SHROOM3: variants seen among roughly 807,000 people sequenced by gnomAD.
The protein encoded by SHROOM3 is protein Shroom3.
Under a neutral mutation model 138.6 loss-of-function variants are expected in SHROOM3, and 47 were observed. That is an observed-to-expected ratio of 0.34 (90% CI 0.27 to 0.43). The LOEUF is 0.43. Among genes scored for constraint, SHROOM3 ranks in the 20% least tolerant of loss-of-function variants. The pLI is 1.00. For missense variants in SHROOM3, 2,491 were observed against 2,596.5 expected (o/e 0.96, Z 0.88); for synonymous variants, 1,062 against 1,063.3 (o/e 1.00, Z 0.02).
intron 2 of SHROOM3, among the ~76,000 whole-genome samples, chr4:76,648,609 C>A (rs1428591668): frequency 1.3e-5 from 2 of 152,108 alleles, no homozygotes; most frequent in Non-Finnish European, 2.9e-5. Flanking sequence ...GAGCTCACTA[C>A]TTCCCTCCTC....
intron 1 of SHROOM3, among the ~76,000 whole-genome samples, chr4:76,539,246 C>T (rs1199272244): frequency 6.6e-6 from 1 of 152,130 alleles, no homozygotes; most frequent in Admixed American, 6.5e-5. Flanking sequence ...TTTCCTTTCC[C>T]TTGTTTTCCT....
chr4:76,504,688 C>T (rs887931225), intron 1 of SHROOM3, among the ~76,000 whole-genome samples: 17 of 152,098 alleles, frequency 1.1e-4, no homozygotes, highest in East Asian at 7.7e-4. Context: ...CCCTAAAGTC[C>T]GATACATCCT....
intron 1 of SHROOM3, among the ~76,000 whole-genome samples, chr4:76,537,780 C>T (rs1387315292): frequency 6.6e-6 from 1 of 152,188 alleles, no homozygotes; most frequent in Non-Finnish European, 1.5e-5. Flanking sequence ...GCCTTCTATT[C>T]TGCCGCCTTG....
At chr4:76,565,973 G>T (rs969373863) in intron 2 of SHROOM3, among the ~76,000 whole-genome samples, 1 of 151,984 alleles carries the variant, frequency 6.6e-6, no homozygotes, top group African/African-American at 2.4e-5. Flanking sequence ...AGCCGGGCAT[G>T]GTGGTGCGTG....
chr4:76,719,654 A>G (rs1720476355), intron 3 of SHROOM3, among the ~76,000 whole-genome samples: 2 of 152,128 alleles, frequency 1.3e-5, no homozygotes. Flanking sequence ...AGAGGGGAAT[A>G]TTGGGGAAAA....
chr4:76,719,571 A>T (rs879651332), intron 3 of SHROOM3, among the ~76,000 whole-genome samples: 3 of 152,220 alleles, frequency 2.0e-5, no homozygotes. Flanking sequence ...TTTTATGCAG[A>T]TGTTGACATG....
chr4:76,662,413 C>T (rs751911147), intron 2 of SHROOM3, among the ~76,000 whole-genome samples: 2 of 152,172 alleles, frequency 1.3e-5, no homozygotes, highest in African/African-American at 2.4e-5. Flanking sequence ...GAATCCCCCT[C>T]GTGCTTTGAA....
At chr4:76,731,563 C>T (rs746026846) in intron 4 of SHROOM3, among the ~76,000 whole-genome samples, 2 of 152,032 alleles carry the variant, frequency 1.3e-5, no homozygotes, top group Non-Finnish European at 2.9e-5. Context: ...GGCGGATCAC[C>T]TGAGGTCAGG....
chr4:76,604,840 G>A (rs1032185626), intron 2 of SHROOM3, among the ~76,000 whole-genome samples: 3 of 152,152 alleles, frequency 2.0e-5, no homozygotes, highest in Non-Finnish European at 4.4e-5. Flanking sequence ...GATTGAATTT[G>A]TAGTAAGTAA....
rs546564750 is a variant in SHROOM3 at position 76,471,934 on chromosome 4, C to T, written c.168+35714C>T. Among the ~76,000 whole-genome samples the T allele has an allele frequency of 5.3e-5, 8 of 152,272 alleles. No homozygotes were observed. The South Asian group carries it at 1.7e-3, about 32-fold the overall frequency. ...GAGTCAGACTACCTGGTTTTACATC[C>T]TGTCTCTGCTGTTTGTTAGTTGTAT... On this transcript the variant is annotated intron_variant, in intron 1 of 10. Coordinates refer to ENST00000296043, the MANE Select transcript of SHROOM3 (RefSeq NM_020859.4).
intron 2 of SHROOM3, among the ~76,000 whole-genome samples, chr4:76,679,979 A>G (rs1660122122): frequency 1.3e-5 from 2 of 152,178 alleles, no homozygotes; most frequent in Non-Finnish European, 2.9e-5. Context: ...TTTCTTCCAG[A>G]AGGTTGTCGC....
intron 2 of SHROOM3, among the ~76,000 whole-genome samples, chr4:76,593,336 C>G (rs1203750608): frequency 6.6e-6 from 1 of 152,178 alleles, no homozygotes; most frequent in Non-Finnish European, 1.5e-5. Context: ...GAAATAACCC[C>G]TAGAGGATTT....
At chr4:76,570,652 C>T (rs1301208460) in intron 2 of SHROOM3, among the ~76,000 whole-genome samples, 4 of 152,310 alleles carry the variant, frequency 2.6e-5, no homozygotes, top group South Asian at 4.1e-4. Context: ...CATTTCTCCT[C>T]TTTGCAAACT....
intron 2 of SHROOM3, among the ~76,000 whole-genome samples, chr4:76,680,339 C>T (rs1193190177): frequency 2.6e-5 from 4 of 152,148 alleles, no homozygotes; most frequent in South Asian, 4.1e-4. Flanking sequence ...CGGGGTTTCA[C>T]TGTGTTAGCC....
Position 76,435,926 on chromosome 4 carries a change from C to T in SHROOM3, c.-127C>T. 1.1e-6 allele frequency: 1 copy of T among 933,150 alleles called. No homozygotes were observed. The highest frequency in any genetic ancestry group is 2.5e-5 in the East Asian group (1 of 39,256). The allele number at this position is 933,150 out of a possible 1,614,324, so 57.8% of individuals were successfully genotyped here. A position where few individuals can be genotyped will look rare whatever the true frequency, so the allele number is the denominator to read the frequency against. On this transcript the variant is annotated 5_prime_UTR_variant, in exon 1 of 11. Coordinates refer to ENST00000296043, the MANE Select transcript of SHROOM3 (RefSeq NM_020859.4). ...AACATTTTACGTATGGAAGAATTTG[C>T]TTCTCCAAACCTCTCTTTTGGCCAT...
intron 2 of SHROOM3, among the ~76,000 whole-genome samples, chr4:76,608,224 GCA>G (rs1174165863): frequency 6.6e-6 from 1 of 152,190 alleles, no homozygotes; most frequent in Non-Finnish European, 1.5e-5. Context: ...ATCTACCAAA[GCA>G]CAGTTTTTAG....
intron 1 of SHROOM3, among the ~76,000 whole-genome samples, chr4:76,442,849 T>A (rs547533007): frequency 2.0e-5 from 3 of 152,266 alleles, no homozygotes; most frequent in African/African-American, 4.8e-5. Context: ...TTATTATTCG[T>A]GGTGCTTAAA....
At chr4:76,775,715 T>C (rs1722533178) in intron 10 of SHROOM3, among the ~76,000 whole-genome samples, 1 of 151,642 alleles carries the variant, frequency 6.6e-6, no homozygotes, top group South Asian at 2.1e-4. Flanking sequence ...TATTTGTATA[T>C]GTGTATATAC....
At chr4:76,573,832 G>A (rs1386047639) in intron 2 of SHROOM3, among the ~76,000 whole-genome samples, 1 of 152,146 alleles carries the variant, frequency 6.6e-6, no homozygotes, top group Non-Finnish European at 1.5e-5. Flanking sequence ...TCCTGACCCA[G>A]GGCCCATCCT....
Sources: allele counts gnomAD v4.1 joint callset (sites outside exome capture counted in the v4.1 genomes callset), GRCh38; gene constraint gnomAD v4.1.1; transcripts MANE v1.5; gene names NCBI Gene and HGNC (gene_info 2026-07-23, HGNC 2026-07-21).